Variants in VAT1L observed in about 807,000 individuals in gnomAD.
VAT1L encodes the protein putative NADPH-dependent quinone oxidoreductase VAT1L.
In VAT1L, 34 loss-of-function variants were observed where a neutral mutation model predicts 44.1. That is an observed-to-expected ratio of 0.77 (90% confidence interval 0.59 to 1.03). VAT1L has a LOEUF of 1.03. Ranked by LOEUF, VAT1L falls within the 50% of genes least tolerant of loss-of-function variation. The pLI, the probability that VAT1L is intolerant of heterozygous loss-of-function variation, is 0.00. For missense variants in VAT1L, 615 were observed against 538.8 expected (o/e 1.14, Z -1.40); for synonymous variants, 253 against 202.2 (o/e 1.25, Z -2.13).
At chr16:77,893,044 C>T (rs1240914769) in intron 7 of VAT1L, 2 of 540,582 alleles carry the variant, frequency 3.7e-6, no homozygotes, top group Non-Finnish European at 6.7e-6. Context: ...CTTTGGGTTC[C>T]ATGTTTTCCT....
rs142026526 is a variant in VAT1L, at chr16:77,879,439, C to T, written c.882+215C>T. Among the ~76,000 whole-genome samples the T allele has an allele frequency of 6.6e-4, 101 of 152,200 alleles. No homozygotes were observed. Among genetic ancestry groups the T allele is most frequent in the South Asian group, 5.4e-3 (26 of 4,810 alleles). On this transcript the variant is annotated intron_variant, in intron 6 of 8. Coordinates refer to ENST00000302536, the MANE Select transcript of VAT1L (RefSeq NM_020927.3). The surrounding 1 kb of genome is among the most constrained non-coding windows in gnomAD (Gnocchi z 4.1). ...CCTAGTAGCTGGGATTACAGGCATG[C>T]GCCACCATACCCAGCTAATTTTTGT...
chr16:77,874,982 C>A (rs944498670), intron 4 of VAT1L, among the ~76,000 whole-genome samples: 6 of 152,074 alleles, frequency 3.9e-5, no homozygotes, highest in African/African-American at 1.4e-4. Flanking sequence ...CACAGACCTA[C>A]AGGATCAAAG....
chr16:77,806,350 C>G (rs901366150), intron 1 of VAT1L, among the ~76,000 whole-genome samples: 3 of 152,208 alleles, frequency 2.0e-5, no homozygotes, highest in African/African-American at 4.8e-5. Flanking sequence ...GCTGAGACTA[C>G]AGGTGCCCAC....
chr16:77,836,580 T>C (rs1309410688), intron 3 of VAT1L, among the ~76,000 whole-genome samples: 2 of 152,152 alleles, frequency 1.3e-5, no homozygotes, highest in Non-Finnish European at 2.9e-5. Flanking sequence ...ATTTCTGAGA[T>C]ATGTTGTGGA....
intron 3 of VAT1L, among the ~76,000 whole-genome samples, chr16:77,844,109 A>G (rs1220113939): frequency 6.6e-6 from 1 of 152,212 alleles, no homozygotes; most frequent in East Asian, 1.9e-4. Flanking sequence ...ACACATATAC[A>G]TATTATACAT....
intron 3 of VAT1L, among the ~76,000 whole-genome samples, chr16:77,833,269 A>T (rs1450743653): frequency 6.6e-6 from 1 of 152,222 alleles, no homozygotes; most frequent in Admixed American, 6.5e-5. Context: ...AGTCACATGG[A>T]TAACTTTGCC....
intron 7 of VAT1L, among the ~76,000 whole-genome samples, chr16:77,920,466 C>T (rs200373753): frequency 5.3e-5 from 8 of 152,318 alleles, no homozygotes; most frequent in East Asian, 1.9e-4. Context: ...CAACTCCACA[C>T]ACCTCATCAG....
At chr16:77,949,084 G>A (rs1046237051) in intron 7 of VAT1L, among the ~76,000 whole-genome samples, 1 of 152,200 alleles carries the variant, frequency 6.6e-6, no homozygotes, top group Non-Finnish European at 1.5e-5. Flanking sequence ...CAGGATGGGG[G>A]CAGATTGGAG....
chr16:77,887,564 T>TGTA, intron 7 of VAT1L, among the ~76,000 whole-genome samples: 1 of 152,258 alleles, frequency 6.6e-6, no homozygotes, highest in Non-Finnish European at 1.5e-5. Context: ...AAGACTCATC[T>TGTA]CCAACCCTCA....
At chr16:77,798,613 A>G (rs73574824) in intron 1 of VAT1L, among the ~76,000 whole-genome samples, 4,651 of 152,218 alleles carry the variant, frequency 0.031, 231 homozygotes, top group African/African-American at 0.1. Flanking sequence ...AGGACATTAA[A>G]AAGTCCCTCT....
At chr16:77,840,969 ACTC>A (rs1184307895) in intron 3 of VAT1L, among the ~76,000 whole-genome samples, 1 of 151,892 alleles carries the variant, frequency 6.6e-6, no homozygotes, top group Admixed American at 6.6e-5. Flanking sequence ...ACACTTTTTC[ACTC>A]CTCTTCATCT....
intron 3 of VAT1L, among the ~76,000 whole-genome samples, chr16:77,841,491 T>G (rs763185379): frequency 3.9e-4 from 60 of 152,208 alleles, no homozygotes; most frequent in Non-Finnish European, 7.2e-4. Context: ...CATGACAGAT[T>G]GTCACCCTCC....
intron 7 of VAT1L, among the ~76,000 whole-genome samples, chr16:77,959,327 C>G (rs2018137731): frequency 6.6e-6 from 1 of 152,226 alleles, no homozygotes; most frequent in East Asian, 1.9e-4. Flanking sequence ...GAAGAAGCTA[C>G]TTGGCAAAAG....
chr16:77,870,410 A>G (rs1033320361), intron 4 of VAT1L, among the ~76,000 whole-genome samples: 7 of 152,208 alleles, frequency 4.6e-5, no homozygotes, highest in African/African-American at 1.7e-4. Context: ...GAGCAAAGTC[A>G]CCATAAAGAG....
At chr16:77,826,748 G>A (rs1418674462) in intron 3 of VAT1L, among the ~76,000 whole-genome samples, 1 of 152,172 alleles carries the variant, frequency 6.6e-6, no homozygotes, top group Non-Finnish European at 1.5e-5. Context: ...CTACCTACTA[G>A]TTCAAAACAT....
chr16:77,802,338 G>A (rs750142892), intron 1 of VAT1L, among the ~76,000 whole-genome samples: 8 of 152,102 alleles, frequency 5.3e-5, no homozygotes, highest in Non-Finnish European at 1.2e-4. Context: ...TAAAGTTGCC[G>A]GGGCACCGTG....
intron 7 of VAT1L, among the ~76,000 whole-genome samples, chr16:77,941,277 T>C (rs2017880084): frequency 6.6e-6 from 1 of 152,336 alleles, no homozygotes; most frequent in Middle Eastern, 3.4e-3. Context: ...TGGCAGCTTG[T>C]TGCATTAGCA....
chr16:77,821,299 T>C (rs1310305022), intron 2 of VAT1L, among the ~76,000 whole-genome samples: 1 of 150,672 alleles, frequency 6.6e-6, no homozygotes, highest in Non-Finnish European at 1.5e-5. Context: ...TGAAATCTTG[T>C]CTTTTTTTTT....
intron 7 of VAT1L, among the ~76,000 whole-genome samples, chr16:77,955,926 G>GTTC (rs756467299): frequency 2.0e-5 from 3 of 152,172 alleles, no homozygotes; most frequent in African/African-American, 4.8e-5. Context: ...TCAAGCCTGT[G>GTTC]GTTGTATGAA....
Sources: allele counts gnomAD v4.1 joint callset (sites outside exome capture counted in the v4.1 genomes callset), GRCh38; gene constraint gnomAD v4.1.1; non-coding constraint Gnocchi (gnomAD v3.1); transcripts MANE v1.5; gene names NCBI Gene and HGNC (gene_info 2026-07-23, HGNC 2026-07-21).